TFAP2D: variants seen among roughly 807,000 people sequenced by gnomAD.
TFAP2D encodes the protein transcription factor AP-2 delta, also known as transcription factor AP-2-delta.
A neutral mutation model predicts 43.6 loss-of-function variants in TFAP2D; 9 were observed. The ratio of observed to expected loss-of-function variants is 0.21; its 90% CI spans 0.12 to 0.36. TFAP2D has a LOEUF of 0.36. Among genes scored for constraint, TFAP2D ranks in the 10% least tolerant of loss-of-function variants. The probability of loss-of-function intolerance (pLI) is 1.00; values close to 1 mark genes in which losing one functional copy is unlikely to be tolerated. For synonymous variants in TFAP2D, 256 were observed against 224.9 expected, an observed-to-expected ratio of 1.14 and a Z score of -1.24; for missense variants, 513 against 561.4, an observed-to-expected ratio of 0.91 and a Z score of 0.87.
At position 50,766,737 on chromosome 6, in the gene TFAP2D, C is replaced by T. The variant is rs557507723; in HGVS notation, c.1140-5908C>T. Among the ~76,000 whole-genome samples, 525 of 129,790 alleles carry T rather than the reference C, an allele frequency of 4.0e-3. 5 individuals are homozygous for T. The highest frequency in any genetic ancestry group is 0.014 in the African/African-American group (487 of 35,794). 85.1% of individuals were successfully genotyped at this position (129,790 alleles called of 152,430 possible). ...ACTGCGGACTGCAGTGGCGCAATCT[C>T]GGCTCACTGCAAGCTCCGCTTCCCG... On this transcript the variant is annotated intron_variant, in intron 7 of 7. Coordinates refer to ENST00000008391, the MANE Select transcript of TFAP2D (RefSeq NM_172238.4).
intron 6 of TFAP2D, among the ~76,000 whole-genome samples, chr6:50,750,034 T>C (rs1769180037): frequency 6.6e-6 from 1 of 151,948 alleles, no homozygotes. Flanking sequence ...TAAAATATCA[T>C]AAGTGATCTT....
At chr6:50,714,115 T>A in intron 1 of TFAP2D, 21 bp downstream of exon 1, 1 of 1,589,898 alleles carries the variant, frequency 6.3e-7, no homozygotes. Flanking sequence ...TTTTTTTTTT[T>A]TTTTTTTTTG....
intron 6 of TFAP2D, among the ~76,000 whole-genome samples, chr6:50,749,181 A>G (rs1305222604): frequency 6.6e-6 from 1 of 151,618 alleles, no homozygotes; most frequent in Non-Finnish European, 1.5e-5. Flanking sequence ...GGGGAGATAT[A>G]ATATAATATA....
At chr6:50,738,633 C>T (rs1308791356) in intron 5 of TFAP2D, among the ~76,000 whole-genome samples, 1 of 152,052 alleles carries the variant, frequency 6.6e-6, no homozygotes, top group Non-Finnish European at 1.5e-5. Flanking sequence ...TTAACATTTT[C>T]TATTGATAAT....
intron 5 of TFAP2D, among the ~76,000 whole-genome samples, chr6:50,741,759 G>T (rs1334227820): frequency 6.7e-6 from 1 of 149,848 alleles, no homozygotes; most frequent in Non-Finnish European, 1.5e-5. Flanking sequence ...ATAGCTTAAA[G>T]TAGCTCTGAA....
chr6:50,745,726 C>A (rs1169163521), intron 6 of TFAP2D, among the ~76,000 whole-genome samples: 1 of 152,042 alleles, frequency 6.6e-6, no homozygotes, highest in African/African-American at 2.4e-5. Context: ...TGAGTGTCCC[C>A]ATCCTCTCTT....
rs1473871306 is a variant in TFAP2D at position 50,745,104 on chromosome 6, C to A, written c.884-3C>A. ...GAAACTCACTTGTGTTATCTGCCAA[C>A]AGGGGAGGCTTTGCACTTGGCTCGG... On this transcript the variant is annotated splice_region_variant and splice_polypyrimidine_tract_variant and intron_variant, in intron 5 of 7. Coordinates refer to ENST00000008391, the MANE Select transcript of TFAP2D (RefSeq NM_172238.4). The A allele has an allele frequency of 6.2e-7, 1 of 1,613,176 alleles. No homozygotes were observed. Among genetic ancestry groups the A allele is most frequent in the Non-Finnish European group, 8.5e-7 (1 of 1,179,600 alleles).
intron 5 of TFAP2D, among the ~76,000 whole-genome samples, chr6:50,738,230 G>A (rs1159578502): frequency 7.2e-5 from 11 of 151,846 alleles, no homozygotes; most frequent in East Asian, 3.9e-4. Flanking sequence ...TTGTACTTTC[G>A]TTATTGATTT....
At chr6:50,742,954 A>AACAC (rs3060372) in intron 5 of TFAP2D, among the ~76,000 whole-genome samples, 6,408 of 139,614 alleles carry the variant, frequency 0.046, 201 homozygotes, top group East Asian at 0.08. Flanking sequence ...ACGACTTTAA[A>AACAC]ACACACACAC....
At chr6:50,735,165 T>A (rs899729550) in intron 5 of TFAP2D, among the ~76,000 whole-genome samples, 1 of 152,102 alleles carries the variant, frequency 6.6e-6, no homozygotes, top group Non-Finnish European at 1.5e-5. Flanking sequence ...ATGAGAAAAC[T>A]AAAAGCAAAG....
At chr6:50,760,904 C>T (rs1769353429) in intron 7 of TFAP2D, among the ~76,000 whole-genome samples, 1 of 150,640 alleles carries the variant, frequency 6.6e-6, no homozygotes, top group South Asian at 2.1e-4. Context: ...GGTCTGTTCC[C>T]CAGACTCCCT....
intron 1 of TFAP2D, among the ~76,000 whole-genome samples, chr6:50,714,442 A>T (rs1272067308): frequency 1.3e-5 from 2 of 152,262 alleles, no homozygotes; most frequent in Admixed American, 6.5e-5. Flanking sequence ...GTGGGGAAGC[A>T]GTAGATGCAC....
intron 7 of TFAP2D, among the ~76,000 whole-genome samples, chr6:50,763,809 T>C (rs1057486427): frequency 7.2e-5 from 11 of 152,094 alleles, no homozygotes; most frequent in Non-Finnish European, 1.5e-4. Flanking sequence ...ACGTGAAAAT[T>C]ATAGGAACAA....
intron 7 of TFAP2D, among the ~76,000 whole-genome samples, chr6:50,763,677 A>T (rs1403229319): frequency 6.6e-6 from 1 of 152,192 alleles, no homozygotes; most frequent in Non-Finnish European, 1.5e-5. Flanking sequence ...CCAGCAATAA[A>T]AAGAAACAAT....
intron 7 of TFAP2D, among the ~76,000 whole-genome samples, chr6:50,755,820 A>C (rs1406129713): frequency 6.6e-6 from 1 of 152,096 alleles, no homozygotes; most frequent in East Asian, 1.9e-4. Context: ...AATATTCTAC[A>C]TTGATGATTC....
At position 50,772,890 on chromosome 6, in the gene TFAP2D, G is replaced by C; in HGVS notation, c.*26G>C. The stretch of plus-strand genomic sequence containing the variant: ...CTACATCAAACAGAATCTATTTCCA[G>C]AGAGTCTTGCTGCTGATATTTTTTC... On this transcript the variant is annotated 3_prime_UTR_variant, in exon 8 of 8. Transcript: ENST00000008391. 1 of 1,584,844 alleles carries C rather than the reference G, an allele frequency of 6.3e-7. No homozygotes were observed. Among genetic ancestry groups the C allele is most frequent in the Non-Finnish European group, 8.6e-7 (1 of 1,163,730 alleles).
chr6:50,751,194 T>G lies in TFAP2D; in HGVS notation c.1026-17T>G. 6.5e-7 allele frequency: 1 copy of G among 1,541,116 alleles called. No homozygotes were observed. Among genetic ancestry groups the G allele is most frequent in the African/African-American group, 1.4e-5 (1 of 72,844 alleles). On this transcript the variant is annotated splice_polypyrimidine_tract_variant and intron_variant, in intron 6 of 7. Transcript: ENST00000008391. ...AATTTGAAAATTTCAATTTTAAATT[T>G]GATTCTTTTATTTTAGACAAATCTG...
At chr6:50,730,989 AAC>A (rs2114039617) in intron 5 of TFAP2D, among the ~76,000 whole-genome samples, 3 of 152,228 alleles carry the variant, frequency 2.0e-5, no homozygotes, top group African/African-American at 7.2e-5. Flanking sequence ...GGTCAGTACT[AAC>A]GGAAGACCCA....
chr6:50,715,329 G>C lies in TFAP2D; in HGVS notation c.253G>C (p.Val85Leu). The C allele has an allele frequency of 6.2e-7, 1 of 1,613,940 alleles. No homozygotes were observed. Among genetic ancestry groups the C allele is most frequent in the Non-Finnish European group, 8.5e-7 (1 of 1,179,966 alleles). The change falls in exon 2 of 8, where the codon GTC becomes CTC. Residue 85 changes from valine (V) to leucine (L), a missense_variant. By Grantham distance (32) the Val-to-Leu change is conservative. Transcript: ENST00000008391. Reference sequence around the variant, plus strand: ...CGAGTTTCAGCACAGCCACCCGGCCGTCACCCCCGACGCCTACTCTCTGAA... The same window carrying C: ...CGAGTTTCAGCACAGCCACCCGGCCCTCACCCCCGACGCCTACTCTCTGAA... ...HYEFQHSHPA[V>L]TPDAYSLNSL...
Sources: allele counts gnomAD v4.1 joint callset (sites outside exome capture counted in the v4.1 genomes callset), GRCh38; gene constraint gnomAD v4.1.1; transcripts MANE v1.5; gene names NCBI Gene and HGNC (gene_info 2026-07-23, HGNC 2026-07-21).